The following KMT2E variants were observed in gnomAD, a reference collection of about 807,000 sequenced individuals.
KMT2E encodes the protein lysine methyltransferase 2E (inactive).
In KMT2E, 30 loss-of-function variants were observed where a neutral mutation model predicts 184.6. That is an observed-to-expected ratio of 0.16 (90% CI 0.12 to 0.22). The LOEUF is 0.22. Ranked by LOEUF, KMT2E falls within the 10% of genes least tolerant of loss-of-function variation. KMT2E has a pLI of 1.00. For missense variants in KMT2E, 2,023 were observed against 2,237.4 expected, an observed-to-expected ratio of 0.90 and a Z score of 1.93; for synonymous variants, 815 against 776.5, an observed-to-expected ratio of 1.05 and a Z score of -0.82.
intron 5 of KMT2E, among the ~76,000 whole-genome samples, chr7:105,066,253 C>G (rs1797024059): frequency 6.6e-6 from 1 of 152,158 alleles, no homozygotes; most frequent in African/African-American, 2.4e-5. Context: ...TAACCTCCTT[C>G]TATTTCTCAA....
intron 3 of KMT2E, among the ~76,000 whole-genome samples, chr7:105,059,481 G>A (rs1796703546): frequency 6.6e-6 from 1 of 152,184 alleles, no homozygotes; most frequent in Non-Finnish European, 1.5e-5. Context: ...TTCAGCAATA[G>A]TAGCTACAGG....
At chr7:105,037,646 A>C (rs904143098) in intron 1 of KMT2E, among the ~76,000 whole-genome samples, 18 of 152,278 alleles carry the variant, frequency 1.2e-4, no homozygotes, top group Admixed American at 9.8e-4. Flanking sequence ...TACAGGTGTG[A>C]GCCACTGTGC....
chr7:105,044,136 A>G lies in KMT2E; in HGVS notation c.71+3113A>G, dbSNP rs12535224. 4.7e-3 allele frequency among the ~76,000 whole-genome samples: 723 copies of G among 152,292 alleles called. 12 individuals carry two copies. Among genetic ancestry groups the G allele is most frequent in the Admixed American group, 0.034 (521 of 15,286 alleles). Reference sequence around the variant, plus strand: ...AAAATAATTCTACTTCTGATGACCAAAAATGTTCTCTATATTTGTAAAGTT... The same window carrying G: ...AAAATAATTCTACTTCTGATGACCAGAAATGTTCTCTATATTTGTAAAGTT... On this transcript the variant is annotated intron_variant, in intron 3 of 26. Transcript: ENST00000311117.
chr7:105,109,044 A>C lies in KMT2E; in HGVS notation c.3571A>C (p.Ser1191Arg), dbSNP rs2129570010. 5 of 1,614,180 alleles carry C rather than the reference A, an allele frequency of 3.1e-6. No homozygotes were observed. Among genetic ancestry groups the C allele is most frequent in the Non-Finnish European group, 4.2e-6 (5 of 1,180,014 alleles). ...LISVSPHASGSLSNNGDGCAS... is the reference protein window; with the variant it reads ...LISVSPHASGRLSNNGDGCAS... ...TAGTGTATCACCCCATGCAAGTGGA[A>C]GCTTGAGCAACAATGGTGATGGCTG... Residue 1191 changes from serine to arginine, a missense_variant, in exon 23 of 27, where the codon AGC becomes CGC. Ser to Arg is a moderately radical substitution (Grantham distance 110, BLOSUM62 -1). Around this residue, in one of 8 missense-constraint regions of KMT2E, gnomAD observed 1,108 missense variants for 1,050.9 expected, o/e 1.05. Coordinates refer to ENST00000311117, the MANE Select transcript of KMT2E (RefSeq NM_182931.3).
chr7:105,032,784 G>A (rs1283138471), intron 1 of KMT2E, among the ~76,000 whole-genome samples: 3 of 152,216 alleles, frequency 2.0e-5, no homozygotes, highest in Admixed American at 1.3e-4. Context: ...GATAACAGTT[G>A]TGAGCCACCA....
chr7:105,020,055 C>T (rs975892489), intron 1 of KMT2E, among the ~76,000 whole-genome samples: 3 of 150,638 alleles, frequency 2.0e-5, no homozygotes, highest in Non-Finnish European at 3.0e-5. Flanking sequence ...TTGCAGTGAG[C>T]CGAGATTGTG....
intron 1 of KMT2E, among the ~76,000 whole-genome samples, chr7:105,035,654 A>T (rs1795620378): frequency 6.6e-6 from 1 of 151,826 alleles, no homozygotes; most frequent in South Asian, 2.1e-4. Context: ...CAGGCTGTGC[A>T]GTTCAGGTGA....
chr7:105,045,249 A>G (rs537256048), intron 3 of KMT2E, among the ~76,000 whole-genome samples: 26 of 152,344 alleles, frequency 1.7e-4, no homozygotes, highest in African/African-American at 6.3e-4. Context: ...ATTTGATACT[A>G]TTGACTCTCT....
rs1799386566 is a variant in KMT2E, at chr7:105,112,909, C to T, written c.5153C>T (p.Pro1718Leu). Residue 1718 changes from proline (P) to leucine (L), a missense_variant, in exon 27 of 27, where the codon CCC becomes CTC. Physicochemically the swap from Pro to Leu is moderately conservative, Grantham distance 98 (BLOSUM62 -3). Coordinates refer to ENST00000311117, the MANE Select transcript of KMT2E (RefSeq NM_182931.3). ...QHVVNSAPPPPPPPPPSSVLA... is the reference protein window; with the variant it reads ...QHVVNSAPPPLPPPPPSSVLA... ...GTTGTAAATTCAGCACCCCCACCAC[C>T]CCCTCCGCCGCCACCTTCCAGTGTT... is the stretch of plus-strand genomic sequence containing the variant. 6.2e-7 allele frequency: 1 copy of T among 1,613,576 alleles called. No individual in the cohort carries two copies. Among genetic ancestry groups the T allele is most frequent in the Non-Finnish European group, 8.5e-7 (1 of 1,179,934 alleles).
intron 1 of KMT2E, among the ~76,000 whole-genome samples, chr7:105,026,663 C>T (rs1304684360): frequency 6.6e-6 from 1 of 152,168 alleles, no homozygotes; most frequent in Non-Finnish European, 1.5e-5. Flanking sequence ...AGTAATCTGT[C>T]AACCATTTGA....
At chr7:105,067,223 G>A (rs1311385260) in intron 6 of KMT2E, among the ~76,000 whole-genome samples, 1 of 151,700 alleles carries the variant, frequency 6.6e-6, no homozygotes, top group Non-Finnish European at 1.5e-5. Context: ...TCAATAGTGT[G>A]TCATAGTTTA....
chr7:105,071,608 ATT>A (rs869055986), intron 6 of KMT2E, among the ~76,000 whole-genome samples: 177 of 31,828 alleles, frequency 5.6e-3, no homozygotes, highest in Admixed American at 6.6e-3. Context: ...ATATATATAT[ATT>A]TTTTTTTTTT....
chr7:105,095,644 C>T (rs957394202), intron 15 of KMT2E, among the ~76,000 whole-genome samples: 1 of 151,788 alleles, frequency 6.6e-6, no homozygotes, highest in Non-Finnish European at 1.5e-5. Context: ...CTTTTTTATC[C>T]TTAAGAAGTC....
At chr7:105,041,159 C>T (rs1249581113) in intron 3 of KMT2E, 136 bp downstream of exon 3, 11 of 563,216 alleles carry the variant, frequency 2.0e-5, no homozygotes, top group Admixed American at 3.1e-5. Context: ...AAAAAAAAAG[C>T]GAAGTTACCT....
At position 105,114,936 on chromosome 7, in the gene KMT2E, G is replaced by T. The variant is rs931599539; in HGVS notation, c.*1603G>T. 6.6e-6 allele frequency among the ~76,000 whole-genome samples: 1 copy of T among 152,184 alleles called. No homozygotes were observed. Among genetic ancestry groups the T allele is most frequent in the South Asian group, 2.1e-4 (1 of 4,826 alleles). ...TAGTAAAGAAACATTTGTCTGAGAA[G>T]AAATGGTTTTACATCATCTATCCTG... is the stretch of plus-strand genomic sequence containing the variant. On this transcript the variant is annotated 3_prime_UTR_variant, in exon 27 of 27. Coordinates refer to ENST00000311117, the MANE Select transcript of KMT2E (RefSeq NM_182931.3).
intron 3 of KMT2E, among the ~76,000 whole-genome samples, chr7:105,054,145 T>C (rs1328258848): frequency 2.0e-5 from 3 of 151,430 alleles, no homozygotes; most frequent in African/African-American, 7.3e-5. Flanking sequence ...CACTCCAGCC[T>C]GGGTGACAGA....
In KMT2E at chr7:105,090,197, C is replaced by T. The variant is rs766715766; in HGVS notation, c.1547C>T (p.Thr516Met). The T allele has an allele frequency of 3.1e-5, 50 of 1,610,434 alleles. No individual in the cohort carries two copies. The South Asian group carries it at 4.2e-4, about 14-fold the overall frequency. The change falls in exon 14 of 27, where the codon ACG (threonine) becomes ATG (methionine). Residue 516 changes from threonine to methionine, a missense_variant. Thr to Met is a moderately conservative substitution (Grantham distance 81). Coordinates refer to ENST00000311117, the MANE Select transcript of KMT2E (RefSeq NM_182931.3). ...AATATTACTTTGGATTGTGAAGGAA[C>T]GACCAACAAAATGAAGAGCCCAGAA... ...NQNITLDCEG[T>M]TNKMKSPETK...
rs539721424 is a variant in KMT2E, at chr7:105,086,758, A to T, written c.1359-3251A>T. ...AAAAAATATATAAATAAAATAAATT[A>T]AAAATATAAATATATATAAAATAAA... is the stretch of plus-strand genomic sequence containing the variant. On this transcript the variant is annotated intron_variant, in intron 13 of 26. Coordinates refer to ENST00000311117, the MANE Select transcript of KMT2E (RefSeq NM_182931.3). Among the ~76,000 whole-genome samples, 139 of 138,464 alleles carry T rather than the reference A, an allele frequency of 1.0e-3. 1 individual carries two copies. Among genetic ancestry groups the T allele is most frequent in the African/African-American group, 3.9e-3 (134 of 34,524 alleles). The allele number at this position is 138,464 out of a possible 152,430, so 90.8% of individuals were successfully genotyped here.
chr7:105,067,529 C>T (rs547889307), intron 6 of KMT2E, among the ~76,000 whole-genome samples: 4 of 152,270 alleles, frequency 2.6e-5, no homozygotes, highest in African/African-American at 9.6e-5. Flanking sequence ...CTTGTCCCAT[C>T]TATACTGCCA....
Sources: gnomAD v4.1 joint callset for allele counts (sites outside exome capture counted in the v4.1 genomes callset) on GRCh38, gnomAD v4.1.1 for gene constraint, gnomAD v4.1.1 regional missense constraint, MANE v1.5 for transcripts, NCBI Gene and HGNC (gene_info 2026-07-23, HGNC 2026-07-21) for gene names.